Variants in ZFP1 observed in about 807,000 individuals in gnomAD.
ZFP1 encodes the protein ZFP1 zinc finger protein.
ZFP1 carries 32 observed loss-of-function variants against 38.5 expected under a neutral mutation model. The observed-to-expected ratio is 0.83, with a 90% CI of 0.63 to 1.12. The LOEUF (loss-of-function observed/expected upper bound fraction) is 1.12, where lower values mean the gene tolerates loss of function less well. ZFP1 is among the 50% of genes most tolerant of loss of function. The pLI is 0.00. For synonymous variants in ZFP1, 245 were observed against 168.8 expected (o/e 1.45, Z -3.50); for missense variants, 616 against 480.8 (o/e 1.28, Z -2.63).
At chr16:75,150,874 G>A (rs557442876) in intron 1 of ZFP1, among the ~76,000 whole-genome samples, 1 of 152,268 alleles carries the variant, frequency 6.6e-6, no homozygotes, top group South Asian at 2.1e-4. Flanking sequence ...GCCCAAGCTG[G>A]AGTGCAGTGG....
At position 75,163,598 on chromosome 16, in the gene ZFP1, A is replaced by G. The variant is rs11864342; in HGVS notation, c.16-3172A>G. On this transcript the variant is annotated intron_variant, in intron 2 of 3. Transcript: ENST00000570010. Reference sequence around the variant, plus strand: ...GAGTGCTGGGATTACAGGTGTGGCCACTGCACCCAGCCTTTTTTTTTTGTT... The same window carrying G: ...GAGTGCTGGGATTACAGGTGTGGCCGCTGCACCCAGCCTTTTTTTTTTGTT... 3.7e-3 allele frequency among the ~76,000 whole-genome samples: 557 copies of G among 148,598 alleles called. 3 individuals are homozygous for G. Among genetic ancestry groups the G allele is most frequent in the African/African-American group, 0.013 (537 of 40,508 alleles).
At chr16:75,147,915 CTCA>C (rs2036975391), upstream of ZFP1, among the ~76,000 whole-genome samples, 1 of 152,138 alleles carries the variant, frequency 6.6e-6, no homozygotes, top group Non-Finnish European at 1.5e-5. Context: ...CTTAAGTGTT[CTCA>C]TCAGACAAAT....
the ZFP1 span, among the ~76,000 whole-genome samples, chr16:75,130,421 G>A: frequency 3.9e-5 from 6 of 152,234 alleles, no homozygotes; most frequent in East Asian, 1.9e-4. Context: ...GGAGGGAAAC[G>A]TGCAATTTGT....
At chr16:75,140,700 C>T in the ZFP1 span, among the ~76,000 whole-genome samples, 12 of 152,178 alleles carry the variant, frequency 7.9e-5, no homozygotes, top group African/African-American at 2.4e-4. Context: ...TGGCTCACGC[C>T]TGTAATCCCA....
chr16:75,133,693 G>A, the ZFP1 span, among the ~76,000 whole-genome samples: 25 of 152,232 alleles, frequency 1.6e-4, no homozygotes, highest in African/African-American at 5.5e-4. Flanking sequence ...TTCAGATTCC[G>A]CTTTCTTTGG....
chr16:75,147,615 C>T (rs931287451), upstream of ZFP1, among the ~76,000 whole-genome samples: 3 of 152,152 alleles, frequency 2.0e-5, no homozygotes, highest in African/African-American at 7.2e-5. Flanking sequence ...GTAGGTTCAC[C>T]AATTGTAACA....
chr16:75,130,520 C>A, the ZFP1 span, among the ~76,000 whole-genome samples: 1 of 152,174 alleles, frequency 6.6e-6, no homozygotes, highest in African/African-American at 2.4e-5. Context: ...TAAACTCCAT[C>A]ATTTTGCTTC....
At chr16:75,164,567 C>G (rs1295409446) in intron 2 of ZFP1, among the ~76,000 whole-genome samples, 1 of 152,110 alleles carries the variant, frequency 6.6e-6, no homozygotes, top group Non-Finnish European at 1.5e-5. Context: ...TTTGGTACAT[C>G]TTTGAATAGT....
At chr16:75,152,797 G>C in intron 1 of ZFP1, 112 bp from the exon 2 acceptor site, 1 of 924,206 alleles carries the variant, frequency 1.1e-6, no homozygotes, top group South Asian at 1.7e-5. Context: ...GACTTTCCCA[G>C]GAGGTGGTAT....
chr16:75,138,975 CT>C, the ZFP1 span, among the ~76,000 whole-genome samples: 2 of 152,130 alleles, frequency 1.3e-5, no homozygotes, highest in African/African-American at 4.8e-5. Context: ...TAGGATCTTC[CT>C]CCCCAAAACC....
the ZFP1 span, among the ~76,000 whole-genome samples, chr16:75,125,533 A>G: frequency 6.6e-6 from 1 of 152,092 alleles, no homozygotes. Flanking sequence ...CATGTTTGTC[A>G]GACTGGTCTT....
chr16:75,169,378 C>T lies in ZFP1; in HGVS notation c.268C>T (p.Leu90Phe). The T allele has an allele frequency of 6.2e-7, 1 of 1,614,158 alleles. No homozygotes were observed. The highest frequency in any genetic ancestry group is 8.5e-7 in the Non-Finnish European group (1 of 1,180,016). The change falls in exon 4 of 4, where the codon CTT becomes TTT. Residue 90 changes from leucine to phenylalanine, a missense_variant. By Grantham distance (22) the Leu-to-Phe change is conservative. Transcript: ENST00000570010. Reference protein sequence around the residue: ...EERGDLFGKALNLNTDFVSLR... With the variant: ...EERGDLFGKAFNLNTDFVSLR... Reference sequence around the variant, plus strand: ...AAGAGGCGATCTCTTTGGAAAAGCACTTAATCTGAACACAGACTTTGTTTC... The same window carrying T: ...AAGAGGCGATCTCTTTGGAAAAGCATTTAATCTGAACACAGACTTTGTTTC...
intron 3 of ZFP1, 103 bp from the exon 4 acceptor site, chr16:75,169,150 A>G: frequency 7.2e-7 from 1 of 1,380,520 alleles, no homozygotes; most frequent in Admixed American, 2.6e-5. Context: ...GTCCCAAACT[A>G]AAGAGTCAGC....
intron 2 of ZFP1, among the ~76,000 whole-genome samples, chr16:75,163,425 C>T (rs1023409912): frequency 1.3e-5 from 2 of 151,900 alleles, no homozygotes; most frequent in Admixed American, 6.6e-5. Context: ...AATTCTCCTG[C>T]CTCAGCCTCC....
At chr16:75,166,962 C>T (rs747421736) in intron 3 of ZFP1, 66 bp downstream of exon 3, 2 of 1,548,536 alleles carry the variant, frequency 1.3e-6, no homozygotes, top group South Asian at 1.2e-5. Context: ...TCTCAGTGAC[C>T]AGAAATGAGC....
At chr16:75,139,750 T>C in the ZFP1 span, among the ~76,000 whole-genome samples, 2,155 of 152,198 alleles carry the variant, frequency 0.014, 44 homozygotes, top group African/African-American at 0.05. Flanking sequence ...TCAAAATTCA[T>C]AGAACCAGGA....
At chr16:75,129,075 C>T in the ZFP1 span, among the ~76,000 whole-genome samples, 2 of 152,190 alleles carry the variant, frequency 1.3e-5, no homozygotes, top group East Asian at 1.9e-4. Context: ...CAGATGTGAG[C>T]CACCGCGCCG....
upstream of ZFP1, among the ~76,000 whole-genome samples, chr16:75,146,106 G>A (rs2036940817): frequency 6.6e-6 from 1 of 152,106 alleles, no homozygotes. Context: ...AAGGGGTCCA[G>A]GGAACTCTCC....
chr16:75,120,088 T>A, the ZFP1 span, among the ~76,000 whole-genome samples: 1 of 152,206 alleles, frequency 6.6e-6, no homozygotes, highest in Non-Finnish European at 1.5e-5. Context: ...AGGAGCTCAA[T>A]GATTAAAAGT....
Sources: gnomAD v4.1 joint callset for allele counts (sites outside exome capture counted in the v4.1 genomes callset) on GRCh38, gnomAD v4.1.1 for gene constraint, MANE v1.5 for transcripts, NCBI Gene and HGNC (gene_info 2026-07-23, HGNC 2026-07-21) for gene names.